CLCN3: variants seen among roughly 807,000 people sequenced by gnomAD.
The protein encoded by CLCN3 is Cl-/H+ antiporter 3.
In CLCN3, 16 loss-of-function variants were observed where a neutral mutation model predicts 83.4. The observed-to-expected ratio is 0.19, with a 90% CI of 0.13 to 0.29. The LOEUF (loss-of-function observed/expected upper bound fraction) is 0.29. Ranked by LOEUF, CLCN3 falls within the 10% of genes least tolerant of loss-of-function variation. The pLI is 1.00. For missense variants in CLCN3, 544 were observed against 1,006.0 expected (o/e 0.54, Z 6.21); for synonymous variants, 322 against 346.2 (o/e 0.93, Z 0.78).
At chr4:169,683,933 T>G (rs1207533601) in intron 3 of CLCN3, among the ~76,000 whole-genome samples, 1 of 152,040 alleles carries the variant, frequency 6.6e-6, no homozygotes, top group Non-Finnish European at 1.5e-5. Flanking sequence ...AGTAGAGATG[T>G]GGTTTCGCCA....
chr4:169,674,585 G>A (rs1309066888), intron 2 of CLCN3, among the ~76,000 whole-genome samples: 1 of 152,134 alleles, frequency 6.6e-6, no homozygotes, highest in Non-Finnish European at 1.5e-5. Flanking sequence ...GAGCTTTTGA[G>A]TATGTGTTGT....
intron 12 of CLCN3, among the ~76,000 whole-genome samples, chr4:169,718,755 G>C (rs1265302112): frequency 6.6e-6 from 1 of 152,158 alleles, no homozygotes; most frequent in African/African-American, 2.4e-5. Context: ...ATGTATTCCT[G>C]TGTGTATGCT....
At chr4:169,633,068 A>C (rs149972804) in intron 1 of CLCN3, among the ~76,000 whole-genome samples, 1 of 152,164 alleles carries the variant, frequency 6.6e-6, no homozygotes, top group Non-Finnish European at 1.5e-5. Flanking sequence ...GCTGGAGTGC[A>C]GTGGCATAAT....
chr4:169,710,660 A>T (rs938379275), intron 11 of CLCN3, among the ~76,000 whole-genome samples: 3 of 152,204 alleles, frequency 2.0e-5, no homozygotes, highest in African/African-American at 7.2e-5. Flanking sequence ...CCATTAAATA[A>T]TTTTTTAAAC....
At chr4:169,660,348 C>T (rs1173951349) in intron 2 of CLCN3, 4 of 1,378,306 alleles carry the variant, frequency 2.9e-6, no homozygotes, top group East Asian at 2.9e-5. Flanking sequence ...TCTTTTTCTT[C>T]TTCTATTTAA....
At chr4:169,674,237 T>C (rs1355671566) in intron 2 of CLCN3, among the ~76,000 whole-genome samples, 1 of 152,200 alleles carries the variant, frequency 6.6e-6, no homozygotes, top group Non-Finnish European at 1.5e-5. Context: ...AATCCATATA[T>C]TTTGCAGAAT....
intron 2 of CLCN3, among the ~76,000 whole-genome samples, chr4:169,644,177 T>TA (rs1730504591): frequency 6.6e-6 from 1 of 152,236 alleles, no homozygotes; most frequent in Non-Finnish European, 1.5e-5. Flanking sequence ...AATGAATACT[T>TA]ACTGTTTTAT....
intron 1 of CLCN3, among the ~76,000 whole-genome samples, chr4:169,633,044 ACT>A (rs749674124): frequency 6.6e-6 from 1 of 152,052 alleles, no homozygotes; most frequent in Non-Finnish European, 1.5e-5. Context: ...ACAGAGTCTC[ACT>A]CTGTTTCCCA....
At chr4:169,624,602 G>GC (rs1164938780) in intron 1 of CLCN3, among the ~76,000 whole-genome samples, 1 of 152,160 alleles carries the variant, frequency 6.6e-6, no homozygotes, top group Non-Finnish European at 1.5e-5. Flanking sequence ...AGCTATTACA[G>GC]CATCCCTCTT....
At chr4:169,697,779 C>A in intron 9 of CLCN3, 45 bp downstream of exon 9, 1 of 1,307,108 alleles carries the variant, frequency 7.7e-7, no homozygotes, top group Non-Finnish European at 1.1e-6. Flanking sequence ...TTGGCATGTT[C>A]AAAACTTATA....
At chr4:169,687,537 T>G (rs1284449001) in intron 3 of CLCN3, 121 bp from the exon 4 acceptor site, 26 of 578,498 alleles carry the variant, frequency 4.5e-5, no homozygotes, top group Non-Finnish European at 7.8e-5. Flanking sequence ...ACTTACCTTT[T>G]CCATTATTTA....
rs189255483 is a variant in CLCN3 at position 169,661,095 on chromosome 4, G to A, written c.161-18955G>A. ...GTCAGAAAAAATAATATTGGTTTGT[G>A]AAAAGCAGAAGAGCACCCAGCATGC... On this transcript the variant is annotated intron_variant, in intron 2 of 12. Coordinates refer to ENST00000513761, the MANE Select transcript of CLCN3 (RefSeq NM_001829.4). Among the ~76,000 whole-genome samples the A allele has an allele frequency of 2.9e-3, 448 of 152,276 alleles. 8 individuals are homozygous for A. The highest frequency in any genetic ancestry group is 0.021 in the Admixed American group (318 of 15,288).
At chr4:169,675,798 T>G (rs887767496) in intron 2 of CLCN3, among the ~76,000 whole-genome samples, 6 of 152,218 alleles carry the variant, frequency 3.9e-5, no homozygotes, top group African/African-American at 1.4e-4. Flanking sequence ...TGATAGATAC[T>G]TAATATTTAA....
At chr4:169,657,412 G>A (rs1272963402) in intron 2 of CLCN3, among the ~76,000 whole-genome samples, 1 of 152,042 alleles carries the variant, frequency 6.6e-6, no homozygotes, top group Admixed American at 6.6e-5. Context: ...ACATTTTTGA[G>A]CTATAATTTA....
At chr4:169,625,437 C>T (rs888537236) in intron 1 of CLCN3, among the ~76,000 whole-genome samples, 6 of 152,146 alleles carry the variant, frequency 3.9e-5, no homozygotes, top group Non-Finnish European at 8.8e-5. Flanking sequence ...TGGATCCTTT[C>T]GCCACCCATT....
chr4:169,631,348 G>A (rs999424282), intron 1 of CLCN3, among the ~76,000 whole-genome samples: 1 of 152,040 alleles, frequency 6.6e-6, no homozygotes, highest in Non-Finnish European at 1.5e-5. Flanking sequence ...GTGCAGTGGC[G>A]CAATCTCGGC....
chr4:169,623,588 G>A (rs1305870435), intron 1 of CLCN3, among the ~76,000 whole-genome samples: 2 of 152,008 alleles, frequency 1.3e-5, no homozygotes, highest in South Asian at 2.1e-4. Context: ...TAGTCACCGT[G>A]GCATGCAATA....
intron 9 of CLCN3, among the ~76,000 whole-genome samples, chr4:169,699,303 A>G (rs1207006493): frequency 1.3e-5 from 2 of 152,212 alleles, no homozygotes; most frequent in Non-Finnish European, 2.9e-5. Flanking sequence ...TTGGATTTAT[A>G]AAATAACAAA....
At chr4:169,706,284 C>G (rs1453483538) in intron 10 of CLCN3, among the ~76,000 whole-genome samples, 1 of 152,156 alleles carries the variant, frequency 6.6e-6, no homozygotes, top group Non-Finnish European at 1.5e-5. Context: ...ATCTTCCTGC[C>G]TTGGCCTCCC....
Sources: allele counts gnomAD v4.1 joint callset (sites outside exome capture counted in the v4.1 genomes callset), GRCh38; gene constraint gnomAD v4.1.1; transcripts MANE v1.5; gene names NCBI Gene and HGNC (gene_info 2026-07-23, HGNC 2026-07-21).